Variants in ANO5 observed in about 807,000 individuals in gnomAD.
The protein encoded by ANO5 is anoctamin-5.
Under a neutral mutation model 121.0 loss-of-function variants are expected in ANO5, and 109 were observed. The ratio of observed to expected loss-of-function variants is 0.90; its 90% CI spans 0.77 to 1.06. The LOEUF (loss-of-function observed/expected upper bound fraction) is 1.06, where lower values mean the gene tolerates loss of function less well. Among genes scored for constraint, ANO5 ranks in the 50% least tolerant of loss-of-function variants. The pLI is 0.00. For synonymous variants in ANO5, 406 were observed against 359.9 expected (o/e 1.13, Z -1.45); for missense variants, 1,064 against 1,078.5 (o/e 0.99, Z 0.19).
At chr11:22,263,328 A>C (rs1854259925) in intron 17 of ANO5, among the ~76,000 whole-genome samples, 1 of 152,188 alleles carries the variant, frequency 6.6e-6, no homozygotes, top group South Asian at 2.1e-4. Context: ...TGTTTTGAAC[A>C]CAATCTTTTA....
chr11:22,232,951 T>G (rs1027231412), intron 7 of ANO5, among the ~76,000 whole-genome samples: 2 of 152,034 alleles, frequency 1.3e-5, no homozygotes, highest in Non-Finnish European at 2.9e-5. Context: ...GAAAACTGTT[T>G]ATTACACAGA....
intron 9 of ANO5, among the ~76,000 whole-genome samples, chr11:22,247,110 G>T (rs1853650765): frequency 6.6e-6 from 1 of 152,056 alleles, no homozygotes; most frequent in Non-Finnish European, 1.5e-5. Context: ...CTATCTTCAT[G>T]ACAACCTCTA....
chr11:22,251,103 T>C, intron 12 of ANO5, 92 bp downstream of exon 12: 1 of 1,273,656 alleles, frequency 7.9e-7, no homozygotes, highest in Non-Finnish European at 1.1e-6. Flanking sequence ...ATATCTTACA[T>C]ACCAAATGTG....
At chr11:22,259,487 C>A (rs2133737840) in intron 14 of ANO5, 32 bp from the exon 15 acceptor site, 5 of 1,573,742 alleles carry the variant, frequency 3.2e-6, no homozygotes, top group Non-Finnish European at 3.5e-6. Flanking sequence ...ATACAGAGAC[C>A]CAAATAGCAG....
At chr11:22,261,362 T>C (rs961183304) in intron 15 of ANO5, 2 of 152,216 alleles carry the variant, frequency 1.3e-5, no homozygotes, top group Non-Finnish European at 2.9e-5. Flanking sequence ...TGCCACACTT[T>C]AAAACCATTA....
intron 12 of ANO5, among the ~76,000 whole-genome samples, chr11:22,253,631 G>C (rs531116720): frequency 6.6e-6 from 1 of 152,252 alleles, no homozygotes; most frequent in African/African-American, 2.4e-5. Context: ...GTAATGAAAT[G>C]AGTAGAGTAG....
chr11:22,217,836 A>AAGC (rs1200476227), intron 3 of ANO5, among the ~76,000 whole-genome samples: 3 of 152,052 alleles, frequency 2.0e-5, no homozygotes, highest in African/African-American at 7.2e-5. Flanking sequence ...TACTATGCTT[A>AAGC]ATAACTGGGT....
chr11:22,216,719 T>C (rs11824698), intron 3 of ANO5, among the ~76,000 whole-genome samples: 6,549 of 151,976 alleles, frequency 0.043, 475 homozygotes, highest in African/African-American at 0.15. Flanking sequence ...TTTTATCTTT[T>C]ATCATCCATT....
chr11:22,245,741 T>C (rs1297210784), intron 9 of ANO5, among the ~76,000 whole-genome samples: 3 of 152,184 alleles, frequency 2.0e-5, no homozygotes, highest in Non-Finnish European at 4.4e-5. Flanking sequence ...TGTTAGTCCA[T>C]CACACATTCT....
In ANO5 at chr11:22,224,367, A is replaced by G. The variant is rs1188596400; in HGVS notation, c.295-1617A>G. Among the ~76,000 whole-genome samples, 5 of 152,252 alleles carry G rather than the reference A, an allele frequency of 3.3e-5. No homozygotes were observed. The East Asian group carries it at 9.7e-4, about 29-fold the overall frequency. The stretch of plus-strand genomic sequence containing the variant: ...CTCATACCTTCAATAAGGTACTGGC[A>G]TAACAACAGACACACAGGCCAATGA... On this transcript the variant is annotated intron_variant, in intron 5 of 21. Transcript: ENST00000324559.
intron 17 of ANO5, among the ~76,000 whole-genome samples, chr11:22,268,985 C>T (rs1325264481): frequency 2.0e-5 from 3 of 150,990 alleles, no homozygotes; most frequent in African/African-American, 7.3e-5. Flanking sequence ...GCCTGAGTGG[C>T]AGAGTGAGAC....
chr11:22,226,091 T>C (rs766826838), intron 6 of ANO5, 39 bp downstream of exon 6: 23 of 1,522,460 alleles, frequency 1.5e-5, no homozygotes, highest in Non-Finnish European at 2.0e-5. Flanking sequence ...CTCTTTAATT[T>C]AAGTGTTGTT....
chr11:22,249,875 T>C (rs1014127602), intron 9 of ANO5, among the ~76,000 whole-genome samples: 3 of 152,310 alleles, frequency 2.0e-5, no homozygotes, highest in African/African-American at 7.2e-5. Flanking sequence ...AGAAATTACA[T>C]TGTAGAATAT....
chr11:22,210,851 T>A (rs1007807919), intron 2 of ANO5, among the ~76,000 whole-genome samples: 3 of 151,990 alleles, frequency 2.0e-5, no homozygotes, highest in Non-Finnish European at 4.4e-5. Flanking sequence ...AGCCAATTAA[T>A]TCTGCCTTTC....
intron 5 of ANO5, among the ~76,000 whole-genome samples, chr11:22,223,509 A>G (rs1852726747): frequency 6.6e-6 from 1 of 152,008 alleles, no homozygotes; most frequent in East Asian, 1.9e-4. Flanking sequence ...CCAGAAGGAA[A>G]GCAGATATTC....
At chr11:22,266,618 A>C (rs1331410117) in intron 17 of ANO5, among the ~76,000 whole-genome samples, 7 of 151,306 alleles carry the variant, frequency 4.6e-5, no homozygotes, top group African/African-American at 1.7e-4. Flanking sequence ...ATCTTTTTTC[A>C]ATTTATTTCT....
upstream of ANO5, chr11:22,192,975 C>A: frequency 2.0e-6 from 2 of 984,618 alleles, no homozygotes; most frequent in Admixed American, 6.2e-5. Flanking sequence ...GGGGAGATGG[C>A]GGTCTCCGAG....
intron 5 of ANO5, among the ~76,000 whole-genome samples, chr11:22,222,548 A>G (rs193114042): frequency 1.6e-4 from 24 of 151,890 alleles, no homozygotes. Flanking sequence ...CAACCTCACC[A>G]GGACCAGATA....
intron 2 of ANO5, among the ~76,000 whole-genome samples, chr11:22,206,439 A>G (rs1852124429): frequency 6.6e-6 from 1 of 151,974 alleles, no homozygotes; most frequent in South Asian, 2.1e-4. Context: ...TCCTCTCCTG[A>G]GTAGCTGGAA....
Sources: allele counts gnomAD v4.1 joint callset (sites outside exome capture counted in the v4.1 genomes callset), GRCh38; gene constraint gnomAD v4.1.1; transcripts MANE v1.5; gene names NCBI Gene and HGNC (gene_info 2026-07-23, HGNC 2026-07-21).